The following PPP1R3A variants were observed in gnomAD, a reference collection of about 807,000 sequenced individuals.
The protein encoded by PPP1R3A is RG1.
PPP1R3A carries 29 observed loss-of-function variants against 41.7 expected under a neutral mutation model. The observed-to-expected ratio is 0.70, with a 90% CI of 0.52 to 0.95. The LOEUF is 0.95. Ranked by LOEUF, PPP1R3A falls within the 40% of genes least tolerant of loss-of-function variation. The probability of loss-of-function intolerance (pLI) is 0.00; values close to 1 mark genes in which losing one functional copy is unlikely to be tolerated. For synonymous variants in PPP1R3A, 485 were observed against 453.4 expected, an observed-to-expected ratio of 1.07 and a Z score of -0.89; for missense variants, 1,352 against 1,292.4, an observed-to-expected ratio of 1.05 and a Z score of -0.71.
In PPP1R3A at chr7:113,918,212, C is replaced by A; in HGVS notation, c.782+3G>T. ...TAATAAAATATGTAAGATATATCCT[C>A]ACCTTGATTTTACCTTTAAGCAGCC... is the stretch of plus-strand genomic sequence containing the variant. On this transcript the variant is annotated splice_donor_region_variant and intron_variant, in intron 1 of 3. Coordinates refer to ENST00000284601, the MANE Select transcript of PPP1R3A (RefSeq NM_002711.4). The A allele has an allele frequency of 6.3e-7, 1 of 1,594,588 alleles. No homozygotes were observed. Among genetic ancestry groups the A allele is most frequent in the South Asian group, 1.1e-5 (1 of 87,896 alleles).
At chr7:113,886,065 C>T (rs996598835) in intron 1 of PPP1R3A, among the ~76,000 whole-genome samples, 2 of 150,444 alleles carry the variant, frequency 1.3e-5, no homozygotes, top group African/African-American at 2.4e-5. Context: ...AAGATTTATC[C>T]ATTTGTTGTA....
At chr7:113,880,713 TG>T (rs1276426090) in intron 3 of PPP1R3A, among the ~76,000 whole-genome samples, 1 of 8,900 alleles carries the variant, frequency 1.1e-4, no homozygotes, top group African/African-American at 2.0e-4. Context: ...GAGATGCCTG[TG>T]TTTTTTTTTT....
intron 1 of PPP1R3A, among the ~76,000 whole-genome samples, chr7:113,907,558 C>T (rs1048744566): frequency 2.6e-5 from 4 of 151,452 alleles, no homozygotes; most frequent in Admixed American, 1.3e-4. Flanking sequence ...CATCACCCTG[C>T]CTATATTATG....
Position 113,882,314 on chromosome 7 carries a change from T to C in PPP1R3A, c.789A>G (p.Glu263=), listed in dbSNP as rs753618882. The C allele has an allele frequency of 3.5e-6, 5 of 1,446,396 alleles. No individual in the cohort carries two copies. In the African/African-American group the frequency reaches 7.0e-5, roughly 20 times the overall value. The allele number at this position is 1,446,396 out of a possible 1,614,324, so 89.6% of individuals were successfully genotyped here. Residue 263 remains glutamate, a synonymous_variant, in exon 2 of 4, where the codon GAA becomes GAG. Transcript: ENST00000284601. ...TTTCTTCTGATGTTACTGATGATTC[T>C]TCTTTACTGTTAAATTTAAAAGAAA... The part of the protein sequence containing the change: ...KGCLKVKSSK[E]ESSVTSEENN...
intron 1 of PPP1R3A, among the ~76,000 whole-genome samples, chr7:113,900,939 G>GT (rs569634547): frequency 8.0e-5 from 12 of 150,514 alleles, no homozygotes; most frequent in South Asian, 2.1e-4. Flanking sequence ...CAATGATTAA[G>GT]TTTTTTTTTA....
intron 1 of PPP1R3A, among the ~76,000 whole-genome samples, chr7:113,889,634 T>G (rs1796844446): frequency 6.6e-6 from 1 of 152,156 alleles, no homozygotes; most frequent in African/African-American, 2.4e-5. Context: ...AAATGAGACA[T>G]AATATTGAAA....
intron 1 of PPP1R3A, among the ~76,000 whole-genome samples, chr7:113,903,364 T>C (rs529792013): frequency 7.0e-4 from 107 of 151,850 alleles, no homozygotes; most frequent in Admixed American, 1.6e-3. Context: ...TATAGAAGAA[T>C]TGAGTACTTA....
In PPP1R3A at chr7:113,879,350, A is replaced by G; in HGVS notation, c.1742T>C (p.Val581Ala). The G allele has an allele frequency of 6.2e-7, 1 of 1,613,626 alleles. No individual in the cohort carries two copies. The highest frequency in any genetic ancestry group is 8.5e-7 in the Non-Finnish European group (1 of 1,179,722). ...TAAATTTGTCCTTGGTGAATGAGAC[A>G]CATCTGCTGTGATTGCCCGGGTGGG... is the stretch of plus-strand genomic sequence containing the variant. Reference protein sequence around the residue: ...AIPTRAITADVSHSPRTNLSW... With the variant: ...AIPTRAITADASHSPRTNLSW... The change falls in exon 4 of 4, where the codon GTG (valine) becomes GCG (alanine). Residue 581 changes from valine (V) to alanine (A), a missense_variant. Val to Ala is a moderately conservative substitution (Grantham distance 64). Coordinates refer to ENST00000284601, the MANE Select transcript of PPP1R3A (RefSeq NM_002711.4).
intron 1 of PPP1R3A, among the ~76,000 whole-genome samples, chr7:113,904,367 G>A (rs745430649): frequency 4.0e-5 from 6 of 151,596 alleles, no homozygotes; most frequent in Non-Finnish European, 7.4e-5. Context: ...TTACTACAAT[G>A]TAACTGTGAA....
At chr7:113,881,573 T>C (rs1464884366) in intron 3 of PPP1R3A, among the ~76,000 whole-genome samples, 1 of 152,076 alleles carries the variant, frequency 6.6e-6, no homozygotes. Context: ...TTTAATACTC[T>C]ACAATGATAT....
Position 113,879,382 on chromosome 7 carries a change from G to T in PPP1R3A, c.1710C>A (p.Thr570=), listed in dbSNP as rs142416047. The T allele has an allele frequency of 6.2e-7, 1 of 1,613,486 alleles. No homozygotes were observed. The highest frequency in any genetic ancestry group is 1.7e-5 in the Admixed American group (1 of 59,870). The change falls in exon 4 of 4, where the codon ACC becomes ACA. Residue 570 remains threonine, a synonymous_variant. Transcript: ENST00000284601. ...CTGTGATTGCCCGGGTGGGGATTGC[G>T]GTATGTTCGCTCAGCAGAGTAGCCA... ...RDLATLLSEH[T]AIPTRAITAD... is the part of the protein sequence containing the mutation.
At chr7:113,911,606 A>G (rs1797250675) in intron 1 of PPP1R3A, among the ~76,000 whole-genome samples, 1 of 152,124 alleles carries the variant, frequency 6.6e-6, no homozygotes. Flanking sequence ...TTTCCAATTT[A>G]TGAACAGGTG....
intron 1 of PPP1R3A, among the ~76,000 whole-genome samples, chr7:113,891,844 A>T (rs555128319): frequency 1.3e-5 from 2 of 152,048 alleles, no homozygotes; most frequent in East Asian, 3.9e-4. Context: ...AACGAGCAAA[A>T]CCTCTTAAAG....
intron 3 of PPP1R3A, 49 bp downstream of exon 3, chr7:113,881,990 G>A (rs1192981250): frequency 1.9e-6 from 3 of 1,605,988 alleles, no homozygotes; most frequent in Admixed American, 1.7e-5. Context: ...CATCTTTGAA[G>A]CAGAAATGGA....
At chr7:113,910,396 G>T (rs1797224826) in intron 1 of PPP1R3A, among the ~76,000 whole-genome samples, 1 of 151,788 alleles carries the variant, frequency 6.6e-6, no homozygotes, top group Admixed American at 6.6e-5. Context: ...TATTAACATT[G>T]GAAACAATAA....
Position 113,880,035 on chromosome 7 carries a change from C to T in PPP1R3A, c.1057G>A (p.Ala353Thr). The T allele has an allele frequency of 1.2e-6, 2 of 1,611,262 alleles. No homozygotes were observed. The highest frequency in any genetic ancestry group is 1.7e-6 in the Non-Finnish European group (2 of 1,177,824). The change falls in exon 4 of 4, where the codon GCA (alanine) becomes ACA (threonine). Residue 353 changes from alanine (A) to threonine (T), a missense_variant. Physicochemically the swap from Ala to Thr is moderately conservative, Grantham distance 58 (BLOSUM62 0). Coordinates refer to ENST00000284601, the MANE Select transcript of PPP1R3A (RefSeq NM_002711.4). ...STDPVNFPNK[A>T]EGLEKKQIHG... ...ATTTGCTTCTTCTCTAACCCCTCTG[C>T]TTTATTTGGAAAATTGACTGGATCT...
chr7:113,888,456 C>T (rs73435649), intron 1 of PPP1R3A, among the ~76,000 whole-genome samples: 4,456 of 152,192 alleles, frequency 0.029, 218 homozygotes, highest in African/African-American at 0.099. Flanking sequence ...ATATGCTGTA[C>T]ATAGATTTTT....
chr7:113,909,809 A>G (rs1797212753), intron 1 of PPP1R3A, among the ~76,000 whole-genome samples: 1 of 152,132 alleles, frequency 6.6e-6, no homozygotes, highest in Non-Finnish European at 1.5e-5. Context: ...TAAATAAATG[A>G]CTAAAGACAG....
rs1179969667 is a variant in PPP1R3A, at chr7:113,918,081, G to A, written c.782+134C>T. 27 of 849,586 alleles carry A rather than the reference G, an allele frequency of 3.2e-5. No individual in the cohort carries two copies. The Admixed American group carries it at 3.4e-4, about 11-fold the overall frequency. 52.6% of individuals were successfully genotyped at this position (849,586 alleles called of 1,614,324 possible). A position where few individuals can be genotyped will look rare whatever the true frequency, so the allele number is the denominator to read the frequency against. On this transcript the variant is annotated intron_variant, in intron 1 of 3. Coordinates refer to ENST00000284601, the MANE Select transcript of PPP1R3A (RefSeq NM_002711.4). ...TTTGAATAGCTTTGACCTTGTTAAA[G>A]CCTGGCACCATTGTTTTTTACATAG...
Sources: gnomAD v4.1 joint callset for allele counts (sites outside exome capture counted in the v4.1 genomes callset) on GRCh38, gnomAD v4.1.1 for gene constraint, MANE v1.5 for transcripts, NCBI Gene and HGNC (gene_info 2026-07-23, HGNC 2026-07-21) for gene names.